IL20RB: variants seen among roughly 807,000 people sequenced by gnomAD.
IL20RB encodes interleukin-20 receptor subunit beta.
IL20RB carries 21 observed loss-of-function variants against 33.3 expected under a neutral mutation model. That is an observed-to-expected ratio of 0.63 (90% CI 0.45 to 0.91). The LOEUF (loss-of-function observed/expected upper bound fraction) is 0.91. Among genes scored for constraint, IL20RB ranks in the 40% least tolerant of loss-of-function variants. IL20RB has a pLI of 0.00. For missense variants in IL20RB, 345 were observed against 384.8 expected, an observed-to-expected ratio of 0.90 and a Z score of 0.86; for synonymous variants, 147 against 146.8, an observed-to-expected ratio of 1.00 and a Z score of -0.01.
chr3:136,963,672 T>C (rs1166316622), intron 1 of IL20RB, among the ~76,000 whole-genome samples: 1 of 132,924 alleles, frequency 7.5e-6, no homozygotes, highest in Non-Finnish European at 1.6e-5. Flanking sequence ...TTCTAGATAC[T>C]AGTTCTTTTT....
chr3:136,966,091 G>A (rs1192273143), intron 1 of IL20RB, among the ~76,000 whole-genome samples: 5 of 132,738 alleles, frequency 3.8e-5, no homozygotes, highest in African/African-American at 6.1e-5. Context: ...TGCTGGATTC[G>A]GTTTGCCAGT....
chr3:137,008,616 A>G (rs1417936203), intron 6 of IL20RB, among the ~76,000 whole-genome samples: 1 of 152,216 alleles, frequency 6.6e-6, no homozygotes, highest in Non-Finnish European at 1.5e-5. Flanking sequence ...TTAATGTGCT[A>G]GAACTGCACT....
intron 5 of IL20RB, 119 bp downstream of exon 5, chr3:136,992,207 T>G: frequency 9.4e-7 from 1 of 1,068,820 alleles, no homozygotes; most frequent in East Asian, 2.6e-5. Context: ...CTGACCTCCC[T>G]CATGGACTGG....
At chr3:136,966,116 T>C (rs1394926174) in intron 1 of IL20RB, among the ~76,000 whole-genome samples, 5 of 140,050 alleles carry the variant, frequency 3.6e-5, no homozygotes, top group African/African-American at 1.4e-4. Flanking sequence ...TATTGAGGAT[T>C]TTTGCATCAA....
chr3:136,985,834 T>A (rs1259374218), intron 3 of IL20RB, among the ~76,000 whole-genome samples: 1 of 152,052 alleles, frequency 6.6e-6, no homozygotes, highest in African/African-American at 2.4e-5. Context: ...ACAGCCAGGG[T>A]TGAGATCCAC....
intron 4 of IL20RB, among the ~76,000 whole-genome samples, chr3:136,990,617 A>G (rs995313063): frequency 3.3e-5 from 5 of 152,088 alleles, no homozygotes; most frequent in Admixed American, 2.0e-4. Context: ...GAAGAATCCA[A>G]TTGGTCTTGC....
At position 136,980,331 on chromosome 3, in the gene IL20RB, G is replaced by A. The variant is rs1386378697; in HGVS notation, c.89-135G>A. The A allele has an allele frequency of 8.5e-6, 8 of 941,294 alleles. No individual in the cohort carries two copies. In the Admixed American group the frequency reaches 1.4e-4, roughly 16 times the overall value. 58.3% of individuals were successfully genotyped at this position (941,294 alleles called of 1,614,324 possible). A position where few individuals can be genotyped will look rare whatever the true frequency, so the allele number is the denominator to read the frequency against. Reference sequence around the variant, plus strand: ...GACAGAGTCTCATTCTGTTGTCTAGGCTGGAGTGCAGTGGTGCAATCTCAG... The same window carrying A: ...GACAGAGTCTCATTCTGTTGTCTAGACTGGAGTGCAGTGGTGCAATCTCAG... On this transcript the variant is annotated intron_variant, in intron 1 of 6. Coordinates refer to ENST00000329582, the MANE Select transcript of IL20RB (RefSeq NM_144717.4).
Position 136,982,265 on chromosome 3 carries a change from G to T in IL20RB, c.321G>T (p.Val107=), listed in dbSNP as rs529575871. 1 of 1,612,230 alleles carries T rather than the reference G, an allele frequency of 6.2e-7. No homozygotes were observed. The highest frequency in any genetic ancestry group is 8.5e-7 in the Non-Finnish European group (1 of 1,178,490). ...TCACTGATGACATCACGGCCACTGT[G>T]CCATACAACCTTCGTGTCAGGGCCA... is the stretch of plus-strand genomic sequence containing the variant. ...CDVTDDITAT[V]PYNLRVRATL... is the part of the protein sequence containing the mutation. The change falls in exon 3 of 7, where the codon GTG becomes GTT. Residue 107 remains valine, a synonymous_variant. Transcript: ENST00000329582.
intron 1 of IL20RB, among the ~76,000 whole-genome samples, chr3:136,979,573 A>T (rs1941717354): frequency 6.6e-6 from 1 of 152,204 alleles, no homozygotes; most frequent in Non-Finnish European, 1.5e-5. Flanking sequence ...CAAAGTCCTT[A>T]TGAGCAGGTT....
chr3:136,995,276 A>G, intron 5 of IL20RB, 138 bp from the exon 6 acceptor site: 1 of 981,492 alleles, frequency 1.0e-6, no homozygotes, highest in Non-Finnish European at 1.5e-6. Flanking sequence ...ACTAGGGCAC[A>G]CATCAAATCT....
intron 6 of IL20RB, among the ~76,000 whole-genome samples, chr3:136,996,010 A>C (rs2064233785): frequency 6.6e-6 from 1 of 152,208 alleles, no homozygotes; most frequent in Non-Finnish European, 1.5e-5. Flanking sequence ...GAAGATGTAC[A>C]TGGGAGGCAT....
At chr3:136,995,731 AAATCTC>A (rs1392289369) in intron 6 of IL20RB, among the ~76,000 whole-genome samples, 175 bp downstream of exon 6, 1 of 152,214 alleles carries the variant, frequency 6.6e-6, no homozygotes, top group Non-Finnish European at 1.5e-5. Context: ...GTACTGGAAG[AAATCTC>A]CCTTCTCCAG....
intron 3 of IL20RB, among the ~76,000 whole-genome samples, chr3:136,987,753 C>G (rs527898808): frequency 5.3e-5 from 8 of 152,316 alleles, no homozygotes; most frequent in East Asian, 1.9e-4. Flanking sequence ...AGCTAAGGCC[C>G]GGTGAGAAAT....
chr3:137,007,330 G>C lies in IL20RB; in HGVS notation c.826-2783G>C, dbSNP rs1942369219. 2.0e-5 allele frequency among the ~76,000 whole-genome samples: 3 copies of C among 152,158 alleles called. No homozygotes were observed. The South Asian group carries it at 6.2e-4, about 32-fold the overall frequency. The stretch of plus-strand genomic sequence containing the variant: ...ACCACTGCTCTCTTCAGAGCTGTCA[G>C]ACAGGGACGTTTAAGTCTGCAGAAG... On this transcript the variant is annotated intron_variant, in intron 6 of 6. Transcript: ENST00000329582.
chr3:136,994,918 C>T (rs1416394334), intron 5 of IL20RB, among the ~76,000 whole-genome samples: 1 of 152,178 alleles, frequency 6.6e-6, no homozygotes, highest in Non-Finnish European at 1.5e-5. Context: ...AAAATAGGGG[C>T]TTGATATATT....
chr3:136,983,340 G>A (rs1056713505), intron 3 of IL20RB, among the ~76,000 whole-genome samples: 7 of 152,104 alleles, frequency 4.6e-5, no homozygotes, highest in Non-Finnish European at 1.0e-4. Flanking sequence ...TGCCCACTTC[G>A]GCCTCCCAAA....
chr3:136,958,075 G>T lies in IL20RB; in HGVS notation c.-39G>T. 2 of 1,216,098 alleles carry T rather than the reference G, an allele frequency of 1.6e-6. No individual in the cohort carries two copies. The highest frequency in any genetic ancestry group is 2.4e-6 in the Non-Finnish European group (2 of 821,430). 75.3% of individuals were successfully genotyped at this position (1,216,098 alleles called of 1,614,324 possible). A position where few individuals can be genotyped will look rare whatever the true frequency, so the allele number is the denominator to read the frequency against. Reference sequence around the variant, plus strand: ...TGAGATGGACAGAATGCTTTATTTTGGAAAGAAACAATGTTCTAGGTCAAA... The same window carrying T: ...TGAGATGGACAGAATGCTTTATTTTTGAAAGAAACAATGTTCTAGGTCAAA... On this transcript the variant is annotated 5_prime_UTR_variant, in exon 1 of 7. An upstream open reading frame in the 5' UTR gains an earlier in-frame stop. Coordinates refer to ENST00000329582, the MANE Select transcript of IL20RB (RefSeq NM_144717.4).
intron 2 of IL20RB, among the ~76,000 whole-genome samples, chr3:136,981,330 T>C (rs1377365524): frequency 6.6e-6 from 1 of 151,576 alleles, no homozygotes; most frequent in Non-Finnish European, 1.5e-5. Context: ...CTAGTCACAT[T>C]TTAGGTGTTC....
Position 136,995,426 on chromosome 3 carries a change from C to G in IL20RB, c.695C>G (p.Pro232Arg), listed in dbSNP as rs779751196. 86 of 1,613,930 alleles carry G rather than the reference C, an allele frequency of 5.3e-5. No individual in the cohort carries two copies. Among genetic ancestry groups the G allele is most frequent in the Admixed American group, 1.7e-5 (1 of 59,986 alleles). ...CTTTTGTTTCCAGGAGAGGCCATTC[C>G]CCTGGTACTGGCCCTGTTTGCCTTT... ...ECVEVQGEAI[P>R]LVLALFAFVG... is the part of the protein sequence containing the mutation. Residue 232 changes from proline to arginine, a missense_variant, in exon 6 of 7, where the codon CCC becomes CGC. Pro to Arg is a moderately radical substitution (Grantham distance 103). Transcript: ENST00000329582.
Sources: allele counts gnomAD v4.1 joint callset (sites outside exome capture counted in the v4.1 genomes callset), GRCh38; gene constraint gnomAD v4.1.1; transcripts MANE v1.5; gene names NCBI Gene and HGNC (gene_info 2026-07-23, HGNC 2026-07-21).